MND1: variants seen among roughly 807,000 people sequenced by gnomAD.
The protein encoded by MND1 is meiotic nuclear division protein 1 homolog.
A neutral mutation model predicts 35.1 loss-of-function variants in MND1; 28 were observed. The observed-to-expected ratio is 0.80, with a 90% CI of 0.59 to 1.09. The LOEUF is 1.09. Among genes scored for constraint, MND1 ranks in the 50% least tolerant of loss-of-function variants. MND1 has a pLI of 0.00. For synonymous variants in MND1, 69 were observed against 70.5 expected (o/e 0.98, Z 0.11); for missense variants, 213 against 239.6 (o/e 0.89, Z 0.73).
rs539469079 is a variant in MND1 at position 153,358,873 on chromosome 4, C to A, written c.276+251C>A. On this transcript the variant is annotated intron_variant, in intron 4 of 7. Transcript: ENST00000240488. Reference sequence around the variant, plus strand: ...TATTGTTTTTTAATTTTCTCTTTATCAATAGATGGTTTTTTGGAAGCAGTT... The same window carrying A: ...TATTGTTTTTTAATTTTCTCTTTATAAATAGATGGTTTTTTGGAAGCAGTT... Among the ~76,000 whole-genome samples the A allele has an allele frequency of 3.3e-5, 5 of 152,040 alleles. No homozygotes were observed. The East Asian group carries it at 7.7e-4, about 23-fold the overall frequency.
At chr4:153,366,176 G>A (rs569741143) in intron 4 of MND1, among the ~76,000 whole-genome samples, 13 of 152,272 alleles carry the variant, frequency 8.5e-5, no homozygotes, top group African/African-American at 3.1e-4. Context: ...TCTGCTGTAT[G>A]TGTCAAATTT....
chr4:153,410,354 T>C (rs576390211), intron 7 of MND1, among the ~76,000 whole-genome samples: 12 of 152,204 alleles, frequency 7.9e-5, no homozygotes, highest in South Asian at 2.1e-4. Flanking sequence ...AAGAAAGATA[T>C]TTTTAGAACA....
At chr4:153,370,448 G>A (rs1301580647) in intron 4 of MND1, among the ~76,000 whole-genome samples, 1 of 151,978 alleles carries the variant, frequency 6.6e-6, no homozygotes, top group African/African-American at 2.4e-5. Context: ...ATACATGGGG[G>A]CTGGAATCAA....
chr4:153,414,304 G>C (rs917388274), intron 7 of MND1, among the ~76,000 whole-genome samples: 3 of 149,686 alleles, frequency 2.0e-5, no homozygotes, highest in Non-Finnish European at 4.4e-5. Context: ...TTTTTGATAC[G>C]GAGTGTCACT....
chr4:153,348,659 T>G (rs1300108082), intron 1 of MND1, among the ~76,000 whole-genome samples: 1 of 152,142 alleles, frequency 6.6e-6, no homozygotes, highest in Non-Finnish European at 1.5e-5. Context: ...GTTGTTGTTT[T>G]TTTTTGTGTG....
At chr4:153,394,960 A>G (rs1198113682) in intron 5 of MND1, among the ~76,000 whole-genome samples, 4 of 152,236 alleles carry the variant, frequency 2.6e-5, no homozygotes. Context: ...ACTTTAAAAA[A>G]TATTGAAGAT....
intron 3 of MND1, among the ~76,000 whole-genome samples, chr4:153,357,372 G>T (rs1019522799): frequency 6.6e-6 from 1 of 152,106 alleles, no homozygotes; most frequent in Non-Finnish European, 1.5e-5. Flanking sequence ...CACCTATGTT[G>T]TTCAAGATTG....
At chr4:153,413,108 C>G (rs141541959) in intron 7 of MND1, among the ~76,000 whole-genome samples, 79 of 152,200 alleles carry the variant, frequency 5.2e-4, no homozygotes, top group African/African-American at 1.8e-3. Flanking sequence ...CTCATTTTAA[C>G]TTGATCACCT....
intron 1 of MND1, among the ~76,000 whole-genome samples, chr4:153,346,556 A>G (rs1773080978): frequency 6.6e-6 from 1 of 152,134 alleles, no homozygotes; most frequent in Non-Finnish European, 1.5e-5. Flanking sequence ...ATCTTTTTAC[A>G]TTAGTTATTT....
In MND1 at chr4:153,397,229, C is replaced by A; in HGVS notation, c.362C>A (p.Thr121Asn). The change falls in exon 6 of 8, where the codon ACC (threonine) becomes AAC (asparagine). Residue 121 changes from threonine (T) to asparagine (N), a missense_variant. Physicochemically the swap from Thr to Asn is moderately conservative, Grantham distance 65 (BLOSUM62 0). Coordinates refer to ENST00000240488, the MANE Select transcript of MND1 (RefSeq NM_032117.4). ...KIGRCETEER[T>N]RLAKELSSLR... Reference sequence around the variant, plus strand: ...CTATCTGGAATGCAGGAAGAGCGAACCAGGCTAGCAAAAGAGCTTTCTTCA... The same window carrying A: ...CTATCTGGAATGCAGGAAGAGCGAAACAGGCTAGCAAAAGAGCTTTCTTCA... 6.2e-7 allele frequency: 1 copy of A among 1,610,736 alleles called. No individual in the cohort carries two copies. Among genetic ancestry groups the A allele is most frequent in the Non-Finnish European group, 8.5e-7 (1 of 1,178,362 alleles).
At chr4:153,368,267 C>G (rs1439634124) in intron 4 of MND1, among the ~76,000 whole-genome samples, 1 of 152,166 alleles carries the variant, frequency 6.6e-6, no homozygotes, top group African/African-American at 2.4e-5. Context: ...GAAACCTCCT[C>G]AAGCTCTCAT....
At chr4:153,360,714 T>A (rs146103057) in intron 4 of MND1, among the ~76,000 whole-genome samples, 4 of 149,216 alleles carry the variant, frequency 2.7e-5, no homozygotes, top group African/African-American at 9.8e-5. Context: ...TGTGTGTGTG[T>A]GAGACAGGGT....
intron 4 of MND1, among the ~76,000 whole-genome samples, chr4:153,366,782 A>T (rs1018803975): frequency 2.6e-5 from 4 of 152,248 alleles, no homozygotes; most frequent in African/African-American, 9.6e-5. Context: ...TGTGCCTGGC[A>T]GTGAACCATG....
At chr4:153,387,262 A>G (rs1472636363) in intron 4 of MND1, among the ~76,000 whole-genome samples, 4 of 152,162 alleles carry the variant, frequency 2.6e-5, no homozygotes, top group Admixed American at 1.3e-4. Flanking sequence ...GGAATTTTTC[A>G]TTAAAAATAC....
chr4:153,389,961 A>G (rs1392311788), intron 4 of MND1, among the ~76,000 whole-genome samples: 1 of 151,604 alleles, frequency 6.6e-6, no homozygotes, highest in Non-Finnish European at 1.5e-5. Flanking sequence ...ATTGGGCCCC[A>G]CCCCAGATGT....
chr4:153,360,617 T>C (rs62324663), intron 4 of MND1, among the ~76,000 whole-genome samples: 3 of 148,778 alleles, frequency 2.0e-5, no homozygotes, highest in African/African-American at 7.4e-5. Flanking sequence ...TATATATATA[T>C]ACACATAAAA....
intron 4 of MND1, among the ~76,000 whole-genome samples, chr4:153,377,597 A>G (rs796941611): frequency 1.1e-4 from 16 of 152,320 alleles, no homozygotes; most frequent in African/African-American, 3.8e-4. Context: ...TGATATATGC[A>G]ATGCTGAAAA....
chr4:153,389,620 C>G lies in MND1; in HGVS notation c.277-4642C>G, dbSNP rs375116564. Among the ~76,000 whole-genome samples, 17 of 152,324 alleles carry G rather than the reference C, an allele frequency of 1.1e-4. No homozygotes were observed. The East Asian group carries it at 2.7e-3, about 24-fold the overall frequency. ...AAGTGATCCACCTGCCTTGGCCTCT[C>G]AAAGTGCTGGGATTACTGGTGTAAG... is the stretch of plus-strand genomic sequence containing the variant. On this transcript the variant is annotated intron_variant, in intron 4 of 7. Transcript: ENST00000240488.
intron 1 of MND1, among the ~76,000 whole-genome samples, chr4:153,349,229 A>T (rs929413746): frequency 6.6e-6 from 1 of 152,002 alleles, no homozygotes; most frequent in African/African-American, 2.4e-5. Context: ...TTTCAGCTAC[A>T]TATTGTCTTA....
Sources: allele counts gnomAD v4.1 joint callset (sites outside exome capture counted in the v4.1 genomes callset), GRCh38; gene constraint gnomAD v4.1.1; transcripts MANE v1.5; gene names NCBI Gene and HGNC (gene_info 2026-07-23, HGNC 2026-07-21).